Variants in RNF213 observed in about 807,000 individuals in gnomAD.
RNF213 encodes E3 ubiquitin-protein ligase RNF213.
Under a neutral mutation model 514.4 loss-of-function variants are expected in RNF213, and 341 were observed. The observed-to-expected ratio is 0.66, with a 90% CI of 0.61 to 0.73. The LOEUF (loss-of-function observed/expected upper bound fraction) is 0.73. RNF213 is among the 30% of genes least tolerant of loss of function. RNF213 has a pLI of 0.00. For synonymous variants in RNF213, 2,655 were observed against 2,658.2 expected (o/e 1.00, Z 0.04); for missense variants, 5,767 against 6,615.6 (o/e 0.87, Z 4.45).
At position 80,333,350 on chromosome 17, in the gene RNF213, G is replaced by A. The variant is rs200689297; in HGVS notation, c.4143+719G>A. ...GCTGGGATTACAGGCGTGAGCCACCGTGCCCGGCTGAGTCTTCTGCTTCTT... is the reference window on the plus strand; with the variant it reads ...GCTGGGATTACAGGCGTGAGCCACCATGCCCGGCTGAGTCTTCTGCTTCTT... On this transcript the variant is annotated intron_variant, in intron 21 of 67. Transcript: ENST00000582970. 2.8e-4 allele frequency among the ~76,000 whole-genome samples: 41 copies of A among 147,800 alleles called. No individual in the cohort carries two copies. In the East Asian group the frequency reaches 7.0e-3, roughly 25 times the overall value.
At chr17:80,334,474 A>G (rs1479257392) in intron 22 of RNF213, 1 of 490,532 alleles carries the variant, frequency 2.0e-6, no homozygotes, top group African/African-American at 1.9e-5. Flanking sequence ...TGCTGCTGTA[A>G]AAGCCACTCA....
intron 3 of RNF213, among the ~76,000 whole-genome samples, chr17:80,282,499 C>CG (rs1399038971): frequency 6.6e-6 from 1 of 151,570 alleles, no homozygotes; most frequent in Non-Finnish European, 1.5e-5. Flanking sequence ...CCCAGGTTCA[C>CG]GCCATTCTCC....
rs752220267 is a variant in RNF213 at position 80,294,750 on chromosome 17, T to G, written c.1502T>G (p.Met501Arg). ...CATCAGTACTATGACATAGTTTATA[T>G]GAAGCCTCATGGGAGACTCCAGAAA... ...DWHQYYDIVY[M>R]KPHGRLQKVM... Residue 501 changes from methionine (M) to arginine (R), a missense_variant, in exon 9 of 68, where the codon ATG becomes AGG. Around this residue, in one of 13 missense-constraint regions of RNF213, gnomAD observed 592 missense variants for 673.9 expected, o/e 0.88. Transcript: ENST00000582970. 6.2e-7 allele frequency: 1 copy of G among 1,614,146 alleles called. No individual in the cohort carries two copies. Among genetic ancestry groups the G allele is most frequent in the South Asian group, 1.1e-5 (1 of 91,082 alleles).
At chr17:80,291,376 G>A (rs1325804424) in intron 7 of RNF213, among the ~76,000 whole-genome samples, 1 of 149,874 alleles carries the variant, frequency 6.7e-6, no homozygotes, top group Non-Finnish European at 1.5e-5. Context: ...TTGTTTATCT[G>A]AGACAGAGTC....
Position 80,337,955 on chromosome 17 carries a change from C to T in RNF213, c.4791C>T (p.Gly1597=). The T allele has an allele frequency of 1.3e-6, 2 of 1,537,252 alleles. No homozygotes were observed. Among genetic ancestry groups the T allele is most frequent in the Non-Finnish European group, 1.7e-6 (2 of 1,146,924 alleles). ...ELLNKLMLMS[G]KKDRNNTEVE... ...TGAACAAGTTGATGCTGATGTCTGG[C>T]AAGAAGGATCGTAACAACACGGAAG... is the stretch of plus-strand genomic sequence containing the variant. Residue 1597 remains glycine (G), a synonymous_variant, in exon 25 of 68, where the codon GGC becomes GGT. Transcript: ENST00000582970.
chr17:80,351,719 G>A lies in RNF213; in HGVS notation c.10219G>A (p.Glu3407Lys). The A allele has an allele frequency of 6.2e-7, 1 of 1,610,260 alleles. No individual in the cohort carries two copies. The highest frequency in any genetic ancestry group is 8.5e-7 in the Non-Finnish European group (1 of 1,176,776). ...SVINEINKIR[E>K]NEDRIFVYFI... is the part of the protein sequence containing the mutation. ...TATAAATGAAATCAACAAAATACGA[G>A]AAAATGAGGACCGTATCTTCGTCTA... Residue 3407 changes from glutamate to lysine, a missense_variant, in exon 32 of 68, where the codon GAA becomes AAA. Physicochemically the swap from Glu to Lys is moderately conservative, Grantham distance 56. Transcript: ENST00000582970.
At chr17:80,270,711 A>T (rs75537759) in intron 2 of RNF213, among the ~76,000 whole-genome samples, 1 of 152,024 alleles carries the variant, frequency 6.6e-6, no homozygotes, top group Non-Finnish European at 1.5e-5. Context: ...GTTGGTCCTT[A>T]TGATTGTTGG....
At chr17:80,340,589 T>A in intron 26 of RNF213, 1 of 473,796 alleles carries the variant, frequency 2.1e-6, no homozygotes. Flanking sequence ...TCAGCAAACA[T>A]CTCTGCAGTG....
chr17:80,277,370 G>A (rs990189212), intron 3 of RNF213, among the ~76,000 whole-genome samples: 6 of 151,988 alleles, frequency 3.9e-5, no homozygotes, highest in African/African-American at 1.5e-4. Context: ...GGCTGAGGCG[G>A]GTGGATCACT....
intron 67 of RNF213, among the ~76,000 whole-genome samples, chr17:80,391,760 C>CT (rs779136667): frequency 0.038 from 3,365 of 88,592 alleles, 1,011 homozygotes; most frequent in African/African-American, 0.046. Flanking sequence ...ATAAACTAGC[C>CT]TTTTTTTTTT....
chr17:80,319,302 C>T lies in RNF213; in HGVS notation c.3014C>T (p.Ser1005Leu). 6.2e-7 allele frequency: 1 copy of T among 1,614,038 alleles called. No individual in the cohort carries two copies. Among genetic ancestry groups the T allele is most frequent in the South Asian group, 1.1e-5 (1 of 91,082 alleles). Residue 1005 changes from serine (S) to leucine (L), a missense_variant, in exon 17 of 68, where the codon TCA (serine) becomes TTA (leucine). Transcript: ENST00000582970. ...AAATGCATCATTGAAGCCGTGAGCT[C>T]AGCCTGCCAGGTGAACAATCTCTCC... The part of the protein sequence containing the change: ...FEKCIIEAVS[S>L]ACQSQTSILQ...
intron 29 of RNF213, 135 bp from the exon 30 acceptor site, chr17:80,349,635 T>C (rs1039077754): frequency 1.9e-6 from 2 of 1,032,922 alleles, no homozygotes; most frequent in African/African-American, 3.1e-5. Context: ...TCCTTTGGGT[T>C]TGGATTCTGT....
chr17:80,355,849 G>A (rs375603416), intron 36 of RNF213, among the ~76,000 whole-genome samples: 1 of 151,358 alleles, frequency 6.6e-6, no homozygotes, highest in Non-Finnish European at 1.5e-5. Context: ...AACGGGAATG[G>A]GGACTTACAG....
intron 18 of RNF213, among the ~76,000 whole-genome samples, chr17:80,326,323 T>G (rs1457160326): frequency 6.6e-6 from 1 of 152,168 alleles, no homozygotes; most frequent in Non-Finnish European, 1.5e-5. Flanking sequence ...TTTAGAGCAC[T>G]TTGATGTGTA....
intron 21 of RNF213, among the ~76,000 whole-genome samples, chr17:80,333,687 C>T (rs2077901840): frequency 1.3e-5 from 2 of 149,254 alleles, no homozygotes; most frequent in Non-Finnish European, 3.0e-5. Context: ...GAGTGAGACT[C>T]TTATCTCAAA....
Position 80,288,854 on chromosome 17 carries a change from A to T in RNF213, c.933+99A>T, listed in dbSNP as rs1736459822. 4 of 1,589,288 alleles carry T rather than the reference A, an allele frequency of 2.5e-6. No homozygotes were observed. The Admixed American group carries it at 5.1e-5, about 20-fold the overall frequency. On this transcript the variant is annotated intron_variant, in intron 5 of 67. Transcript: ENST00000582970. The surrounding 1 kb of genome is among the most constrained non-coding windows in gnomAD (Gnocchi z 4.9). ...TTCAGCAAATATTTAAGTGCTGGGG[A>T]TATAGCCATGATTCAGACAAAGCTC...
Position 80,380,759 on chromosome 17 carries a change from A to G in RNF213, c.13641-72A>G, listed in dbSNP as rs1334345516. ...CTTCTCAGCCGTAAGCCTCACTCCA[A>G]GTGCTGAGAAAGTGCAGCGTGCCAA... is the stretch of plus-strand genomic sequence containing the variant. On this transcript the variant is annotated intron_variant, in intron 55 of 67. Transcript: ENST00000582970. 4 of 1,563,152 alleles carry G rather than the reference A, an allele frequency of 2.6e-6. No individual in the cohort carries two copies. In the African/African-American group the frequency reaches 5.4e-5, roughly 21 times the overall value.
chr17:80,350,496 G>A (rs2144187151), intron 31 of RNF213, 100 bp downstream of exon 31: 2 of 735,408 alleles, frequency 2.7e-6, no homozygotes, highest in South Asian at 1.5e-5. Flanking sequence ...ATCATAATCA[G>A]TATAGAAATA....
chr17:80,358,536 C>G, intron 37 of RNF213, 57 bp downstream of exon 37: 1 of 1,480,778 alleles, frequency 6.8e-7, no homozygotes, highest in Non-Finnish European at 9.4e-7. Flanking sequence ...CAGCAGGACC[C>G]TAATATGCTC....
Sources: allele counts gnomAD v4.1 joint callset (sites outside exome capture counted in the v4.1 genomes callset), GRCh38; gene constraint gnomAD v4.1.1; regional missense constraint gnomAD v4.1.1; non-coding constraint Gnocchi (gnomAD v3.1); transcripts MANE v1.5; gene names NCBI Gene and HGNC (gene_info 2026-07-23, HGNC 2026-07-21).